The following GCNT1 variants were observed in gnomAD, a reference collection of about 807,000 sequenced individuals.
GCNT1 encodes beta-1,3-galactosyl-O-glycosyl-glycoprotein beta-1,6-N-acetylglucosaminyltransferase.
GCNT1 carries 16 observed loss-of-function variants against 26.2 expected under a neutral mutation model. That is an observed-to-expected ratio of 0.61 (90% confidence interval 0.41 to 0.93). GCNT1 has a LOEUF of 0.93. Among genes scored for constraint, GCNT1 ranks in the 40% least tolerant of loss-of-function variants. The probability of loss-of-function intolerance (pLI) is 0.00; values close to 1 mark genes in which losing one functional copy is unlikely to be tolerated. For missense variants in GCNT1, 477 were observed against 526.7 expected, an observed-to-expected ratio of 0.91 and a Z score of 0.92; for synonymous variants, 183 against 190.8, an observed-to-expected ratio of 0.96 and a Z score of 0.34.
intron 1 of GCNT1, among the ~76,000 whole-genome samples, chr9:76,451,947 T>TC (rs1823670610): frequency 1.0e-5 from 1 of 99,336 alleles, no homozygotes; most frequent in Non-Finnish European, 2.1e-5. Context: ...TTTCTTTCTT[T>TC]CTTTTTTTTT....
At position 76,502,326 on chromosome 9, in the gene GCNT1, T is replaced by C; in HGVS notation, c.-56T>C. The C allele has an allele frequency of 8.0e-7, 1 of 1,244,898 alleles. No homozygotes were observed. The highest frequency in any genetic ancestry group is 1.1e-6 in the Non-Finnish European group (1 of 870,044). The allele number at this position is 1,244,898 out of a possible 1,614,324, so 77.1% of individuals were successfully genotyped here. ...GCCACGACGGAGGGAAAATCATTGG[T>C]GCTTGGAGCATAGAAGACTGCCCTT... is the stretch of plus-strand genomic sequence containing the variant. On this transcript the variant is annotated 5_prime_UTR_variant, in exon 4 of 4. Coordinates refer to ENST00000376730, the MANE Select transcript of GCNT1 (RefSeq NM_001490.5).
chr9:76,497,937 T>G (rs1431086424), intron 2 of GCNT1, among the ~76,000 whole-genome samples: 1 of 152,076 alleles, frequency 6.6e-6, no homozygotes, highest in African/African-American at 2.4e-5. Flanking sequence ...ATCTCTACTA[T>G]CTACCTAGAG....
chr9:76,458,880 G>A (rs1373625905), upstream of GCNT1, among the ~76,000 whole-genome samples: 1 of 152,238 alleles, frequency 6.6e-6, no homozygotes, highest in African/African-American at 2.4e-5. Flanking sequence ...TTTAAAATCA[G>A]AAAAGGCAGC....
intron 2 of GCNT1, among the ~76,000 whole-genome samples, chr9:76,494,871 G>A (rs940166936): frequency 7.2e-5 from 11 of 152,128 alleles, no homozygotes; most frequent in African/African-American, 2.7e-4. Context: ...GGACCCCGGA[G>A]CTGAATGGCT....
intron 2 of GCNT1, among the ~76,000 whole-genome samples, chr9:76,489,298 GTTGGTTCCTTCTGGAGGGTTC>G (rs1191718612): frequency 1.3e-5 from 2 of 152,190 alleles, no homozygotes; most frequent in Non-Finnish European, 2.9e-5. Flanking sequence ...TGTGTCTGGA[GTTGGTTCCTTCTGGAGGGTTC>G]TTGGTCTCAC....
At chr9:76,444,138 G>T (rs965951183) in intron 1 of GCNT1, among the ~76,000 whole-genome samples, 13 of 152,144 alleles carry the variant, frequency 8.5e-5, no homozygotes, top group Admixed American at 6.6e-5. Context: ...GGAGAAGCAG[G>T]CTCCGGGAGA....
At chr9:76,480,999 GA>G (rs1167346899) in intron 2 of GCNT1, among the ~76,000 whole-genome samples, 1 of 152,066 alleles carries the variant, frequency 6.6e-6, no homozygotes, top group Non-Finnish European at 1.5e-5. Flanking sequence ...AGCACTTTGG[GA>G]GGCCAAGGTG....
intron 2 of GCNT1, among the ~76,000 whole-genome samples, chr9:76,500,662 A>G (rs1025377891): frequency 6.6e-6 from 1 of 152,202 alleles, no homozygotes; most frequent in Non-Finnish European, 1.5e-5. Flanking sequence ...ATTAAGGGAA[A>G]TGCTGCTAGA....
chr9:76,413,653 G>GTTTTGTTTTTTTTTT, the GCNT1 span, among the ~76,000 whole-genome samples: 1 of 118,664 alleles, frequency 8.4e-6, no homozygotes, highest in Admixed American at 8.9e-5. Context: ...GTTTTGTTTT[G>GTTTTGTTTTTTTTTT]TTTTTTTTTT....
chr9:76,498,905 C>G (rs1200840310), intron 2 of GCNT1, among the ~76,000 whole-genome samples: 1 of 152,044 alleles, frequency 6.6e-6, no homozygotes, highest in African/African-American at 2.4e-5. Context: ...AAATTACATT[C>G]ATACTATAAA....
At chr9:76,485,165 T>G (rs985497938) in intron 2 of GCNT1, among the ~76,000 whole-genome samples, 4 of 151,836 alleles carry the variant, frequency 2.6e-5, no homozygotes, top group African/African-American at 9.7e-5. Context: ...ATTGTTTGTT[T>G]ATTATATGTA....
At chr9:76,443,433 G>C (rs1001347864) in intron 1 of GCNT1, among the ~76,000 whole-genome samples, 1 of 152,070 alleles carries the variant, frequency 6.6e-6, no homozygotes, top group African/African-American at 2.4e-5. Flanking sequence ...GGGATGGGCC[G>C]AATTAAAGGA....
chr9:76,399,914 C>G, the GCNT1 span, among the ~76,000 whole-genome samples: 1 of 151,556 alleles, frequency 6.6e-6, no homozygotes, highest in African/African-American at 2.4e-5. Flanking sequence ...AATGAGCTAT[C>G]AAGCCACAAA....
chr9:76,478,074 C>T (rs1824298174), intron 2 of GCNT1, among the ~76,000 whole-genome samples: 1 of 152,128 alleles, frequency 6.6e-6, no homozygotes, highest in Non-Finnish European at 1.5e-5. Flanking sequence ...GTAAAATGGA[C>T]CAATCAGTGC....
chr9:76,502,841 G>A lies in GCNT1; in HGVS notation c.460G>A (p.Val154Met), dbSNP rs1315896240. The change falls in exon 4 of 4, where the codon GTG becomes ATG. Residue 154 changes from valine to methionine, a missense_variant. Physicochemically the swap from Val to Met is conservative, Grantham distance 21. Coordinates refer to ENST00000376730, the MANE Select transcript of GCNT1 (RefSeq NM_001490.5). ...GCCTCAGAATTTCTATTGCATTCATGTGGACACAAAATCCGAGGATTCCTA... is the reference window on the plus strand; with the variant it reads ...GCCTCAGAATTTCTATTGCATTCATATGGACACAAAATCCGAGGATTCCTA... ...YMPQNFYCIH[V>M]DTKSEDSYLA... The A allele has an allele frequency of 2.5e-6, 4 of 1,614,132 alleles. No individual in the cohort carries two copies. The South Asian group carries it at 3.3e-5, about 13-fold the overall frequency.
At chr9:76,492,897 C>T (rs1024969643) in intron 2 of GCNT1, among the ~76,000 whole-genome samples, 5 of 151,808 alleles carry the variant, frequency 3.3e-5, no homozygotes, top group South Asian at 2.1e-4. Flanking sequence ...TATAGAATAC[C>T]GAGGTTGCGA....
intron 1 of GCNT1, among the ~76,000 whole-genome samples, chr9:76,450,584 T>C (rs945834391): frequency 6.6e-6 from 1 of 152,210 alleles, no homozygotes; most frequent in Non-Finnish European, 1.5e-5. Flanking sequence ...TATCAATCTT[T>C]TTCAACTTTG....
At chr9:76,465,971 T>C (rs537197117) in intron 2 of GCNT1, among the ~76,000 whole-genome samples, 109 of 152,218 alleles carry the variant, frequency 7.2e-4, no homozygotes, top group Non-Finnish European at 1.4e-3. Flanking sequence ...TTTGGATGTG[T>C]GTTTTGTTTG....
intron 2 of GCNT1, among the ~76,000 whole-genome samples, chr9:76,485,820 C>G (rs1428560098): frequency 6.6e-6 from 1 of 152,086 alleles, no homozygotes; most frequent in Non-Finnish European, 1.5e-5. Context: ...GCAACCTCCG[C>G]CTCCCAGGTT....
Sources: allele counts gnomAD v4.1 joint callset (sites outside exome capture counted in the v4.1 genomes callset), GRCh38; gene constraint gnomAD v4.1.1; transcripts MANE v1.5; gene names NCBI Gene and HGNC (gene_info 2026-07-23, HGNC 2026-07-21).